Variants in GLMN observed in about 807,000 individuals in gnomAD.
GLMN encodes glomulin.
A neutral mutation model predicts 87.8 loss-of-function variants in GLMN; 75 were observed. The observed-to-expected ratio is 0.85, with a 90% CI of 0.71 to 1.04. The LOEUF is 1.04. GLMN is among the 50% of genes least tolerant of loss of function. The probability of loss-of-function intolerance (pLI) is 0.00; values close to 1 mark genes in which losing one functional copy is unlikely to be tolerated. For synonymous variants in GLMN, 206 were observed against 221.6 expected (o/e 0.93, Z 0.63); for missense variants, 588 against 658.8 (o/e 0.89, Z 1.18).
chr1:92,324,376 G>A, the GLMN span: 1 of 1,607,864 alleles, frequency 6.2e-7, no homozygotes, highest in African/African-American at 1.3e-5. Context: ...CTCAGAAGAG[G>A]TATGTCTTAC....
the GLMN span, among the ~76,000 whole-genome samples, chr1:92,312,975 C>T: frequency 6.6e-6 from 1 of 152,190 alleles, no homozygotes; most frequent in African/African-American, 2.4e-5. Flanking sequence ...AAGCGATTCT[C>T]ATGCCTCAGC....
At chr1:92,260,952 C>CT (rs1189289974) in intron 16 of GLMN, among the ~76,000 whole-genome samples, 1 of 152,110 alleles carries the variant, frequency 6.6e-6, no homozygotes, top group East Asian at 1.9e-4. Context: ...TTGTATTACT[C>CT]TGTGTTCCAT....
At chr1:92,358,176 A>G in the GLMN span, among the ~76,000 whole-genome samples, 1 of 152,332 alleles carries the variant, frequency 6.6e-6, no homozygotes, top group South Asian at 2.1e-4. Flanking sequence ...GCTCTTAAAG[A>G]AAAACTTTTT....
intron 17 of GLMN, among the ~76,000 whole-genome samples, chr1:92,247,448 C>T (rs544072560): frequency 9.2e-5 from 14 of 152,016 alleles, no homozygotes; most frequent in African/African-American, 3.4e-4. Flanking sequence ...ACAAAATTTC[C>T]GGTAATGCCT....
At chr1:92,271,336 T>G in intron 8 of GLMN, 129 bp downstream of exon 8, 1 of 748,062 alleles carries the variant, frequency 1.3e-6, no homozygotes, top group Admixed American at 2.0e-5. Flanking sequence ...TCATTCTTAT[T>G]AAAAATAGCC....
In GLMN at chr1:92,269,986, A is replaced by G. The variant is rs542505277; in HGVS notation, c.924-210T>C. Among the ~76,000 whole-genome samples, 10 of 152,316 alleles carry G rather than the reference A, an allele frequency of 6.6e-5. No individual in the cohort carries two copies. The South Asian group carries it at 1.2e-3, about 19-fold the overall frequency. On this transcript the variant is annotated intron_variant, in intron 8 of 18. Transcript: ENST00000370360. ...GATTATTAGGGTGGGCCCTAATCCA[A>G]TATGACTGTTGTCCTTATGTAAAAG...
the GLMN span, among the ~76,000 whole-genome samples, chr1:92,355,010 C>G: frequency 2.0e-5 from 3 of 151,594 alleles, no homozygotes; most frequent in Admixed American, 6.6e-5. Flanking sequence ...GCAATCGTCC[C>G]ACCTCAACCT....
chr1:92,289,743 G>A (rs952127267), intron 5 of GLMN, among the ~76,000 whole-genome samples: 6 of 151,996 alleles, frequency 3.9e-5, no homozygotes, highest in Admixed American at 1.3e-4. Context: ...ATATCTCCTC[G>A]TTTCATTCTT....
At chr1:92,277,891 G>A (rs1420633391) in intron 7 of GLMN, among the ~76,000 whole-genome samples, 1 of 152,110 alleles carries the variant, frequency 6.6e-6, no homozygotes, top group Admixed American at 6.5e-5. Context: ...CCCAAGGAGG[G>A]GGTCCTGGGA....
the GLMN span, among the ~76,000 whole-genome samples, chr1:92,316,431 A>G: frequency 1.3e-5 from 2 of 152,214 alleles, no homozygotes; most frequent in African/African-American, 4.8e-5. Flanking sequence ...TACATATAAC[A>G]TACATATTCC....
At chr1:92,266,357 A>G (rs950856367) in intron 13 of GLMN, 62 bp downstream of exon 13, 2 of 865,662 alleles carry the variant, frequency 2.3e-6, no homozygotes, top group African/African-American at 3.3e-5. Context: ...AAACAATTAC[A>G]TGGCATTAAC....
At chr1:92,265,585 G>A (rs1655540347) in intron 13 of GLMN, among the ~76,000 whole-genome samples, 2 of 152,010 alleles carry the variant, frequency 1.3e-5, no homozygotes, top group African/African-American at 4.8e-5. Context: ...AGACCAGCCT[G>A]GGCAACATGG....
At chr1:92,291,012 G>C (rs928026455) in intron 4 of GLMN, among the ~76,000 whole-genome samples, 1 of 151,994 alleles carries the variant, frequency 6.6e-6, no homozygotes, top group Non-Finnish European at 1.5e-5. Context: ...TTTTCTTTTA[G>C]GGAACATACC....
intron 16 of GLMN, among the ~76,000 whole-genome samples, chr1:92,252,579 A>T (rs900828366): frequency 6.6e-6 from 1 of 152,168 alleles, no homozygotes; most frequent in East Asian, 1.9e-4. Context: ...AATTTTTTAC[A>T]TATTCTGTTC....
chr1:92,249,921 C>T (rs1316786886), intron 16 of GLMN, among the ~76,000 whole-genome samples: 2 of 152,120 alleles, frequency 1.3e-5, no homozygotes, highest in Non-Finnish European at 2.9e-5. Context: ...GTAGGTCCAT[C>T]CACGTTGCTG....
chr1:92,325,051 TACATG>T, the GLMN span, among the ~76,000 whole-genome samples: 3 of 152,204 alleles, frequency 2.0e-5, no homozygotes, highest in Non-Finnish European at 4.4e-5. Flanking sequence ...TTTATCACAG[TACATG>T]ACATATAATT....
At chr1:92,264,035 G>A (rs1655331280) in intron 14 of GLMN, among the ~76,000 whole-genome samples, 1 of 152,122 alleles carries the variant, frequency 6.6e-6, no homozygotes, top group Non-Finnish European at 1.5e-5. Context: ...GCTCAAAGAG[G>A]CCCAGAGTGA....
chr1:92,249,101 G>A (rs1446591105), intron 16 of GLMN, among the ~76,000 whole-genome samples: 1 of 151,816 alleles, frequency 6.6e-6, no homozygotes, highest in Non-Finnish European at 1.5e-5. Context: ...TTAAAATACT[G>A]TTTTTCAGTA....
the GLMN span, chr1:92,323,743 G>A: frequency 1.2e-6 from 2 of 1,614,126 alleles, no homozygotes; most frequent in Non-Finnish European, 1.7e-6. Context: ...TGAGCAGTTA[G>A]GCGATTGCAA....
Sources: allele counts gnomAD v4.1 joint callset (sites outside exome capture counted in the v4.1 genomes callset), GRCh38; gene constraint gnomAD v4.1.1; transcripts MANE v1.5; gene names NCBI Gene and HGNC (gene_info 2026-07-23, HGNC 2026-07-21).